MAGI3: variants seen among roughly 807,000 people sequenced by gnomAD.
MAGI3 encodes membrane associated guanylate kinase, WW and PDZ domain containing 3.
MAGI3 carries 43 observed loss-of-function variants against 121.8 expected under a neutral mutation model. That is an observed-to-expected ratio of 0.35 (90% CI 0.28 to 0.46). The LOEUF is 0.46. Ranked by LOEUF, MAGI3 falls within the 20% of genes least tolerant of loss-of-function variation. The probability of loss-of-function intolerance (pLI) is 1.00; values close to 1 mark genes in which losing one functional copy is unlikely to be tolerated. For missense variants in MAGI3, 1,547 were observed against 1,797.3 expected (o/e 0.86, Z 2.52); for synonymous variants, 553 against 639.3 (o/e 0.86, Z 2.04).
At chr1:113,532,983 A>G (rs1480457019) in intron 1 of MAGI3, among the ~76,000 whole-genome samples, 1 of 152,216 alleles carries the variant, frequency 6.6e-6, no homozygotes, top group Non-Finnish European at 1.5e-5. Context: ...CATTTTGACC[A>G]TGAAAAATAA....
At chr1:113,587,495 C>G (rs985915624) in intron 4 of MAGI3, among the ~76,000 whole-genome samples, 1 of 152,176 alleles carries the variant, frequency 6.6e-6, no homozygotes, top group Non-Finnish European at 1.5e-5. Flanking sequence ...CGTGCCCAGC[C>G]TGTGTATCGC....
At chr1:113,541,002 G>T (rs1354893260) in intron 1 of MAGI3, among the ~76,000 whole-genome samples, 2 of 152,124 alleles carry the variant, frequency 1.3e-5, no homozygotes, top group African/African-American at 4.8e-5. Context: ...TGTATAGGCT[G>T]CTTAAGCCAA....
intron 9 of MAGI3, among the ~76,000 whole-genome samples, chr1:113,635,131 G>T (rs994825570): frequency 1.3e-5 from 2 of 152,170 alleles, no homozygotes; most frequent in African/African-American, 4.8e-5. Flanking sequence ...TTTGGGCTGA[G>T]ACAATGGGGT....
chr1:113,552,207 G>A (rs1659815944), intron 2 of MAGI3, among the ~76,000 whole-genome samples: 1 of 151,922 alleles, frequency 6.6e-6, no homozygotes, highest in Non-Finnish European at 1.5e-5. Context: ...TCCTTATGTT[G>A]TTATTTTTCA....
chr1:113,515,291 A>G (rs17031604), intron 1 of MAGI3, among the ~76,000 whole-genome samples: 2,121 of 152,180 alleles, frequency 0.014, 42 homozygotes, highest in African/African-American at 0.047. Flanking sequence ...CATTTGTTGT[A>G]TTGGAATCTG....
intron 1 of MAGI3, among the ~76,000 whole-genome samples, chr1:113,451,202 A>G (rs567886350): frequency 6.6e-6 from 1 of 152,146 alleles, no homozygotes; most frequent in Non-Finnish European, 1.5e-5. Context: ...TCCGTTTGTT[A>G]TCAGGATTAT....
intron 1 of MAGI3, among the ~76,000 whole-genome samples, chr1:113,447,036 A>G (rs1654210075): frequency 6.6e-6 from 1 of 152,186 alleles, no homozygotes; most frequent in Non-Finnish European, 1.5e-5. Context: ...ATGGGTAAAC[A>G]GTTTCATTTT....
rs189438739 is a variant in MAGI3 at position 113,531,229 on chromosome 1, A to G, written c.317-18286A>G. Among the ~76,000 whole-genome samples the G allele has an allele frequency of 1.5e-3, 232 of 152,310 alleles. 2 individuals are homozygous for G. Among genetic ancestry groups the G allele is most frequent in the Admixed American group, 3.0e-3 (46 of 15,294 alleles). On this transcript the variant is annotated intron_variant, in intron 1 of 20. Transcript: ENST00000307546. ...ATCTGCTAATTTAAAGCTTACATAC[A>G]GGTTATTAAAACTTAACAGTCACTG...
At chr1:113,470,324 T>C (rs1398915935) in intron 1 of MAGI3, among the ~76,000 whole-genome samples, 1 of 152,026 alleles carries the variant, frequency 6.6e-6, no homozygotes, top group Non-Finnish European at 1.5e-5. Context: ...CAGAGATGAG[T>C]CTGAATTGCC....
At chr1:113,615,594 G>A (rs1650413169) in intron 7 of MAGI3, among the ~76,000 whole-genome samples, 1 of 152,160 alleles carries the variant, frequency 6.6e-6, no homozygotes, top group African/African-American at 2.4e-5. Flanking sequence ...TGCAACTGTA[G>A]TCTTTATTCT....
chr1:113,477,959 T>C (rs536924933), intron 1 of MAGI3, among the ~76,000 whole-genome samples: 47 of 152,334 alleles, frequency 3.1e-4, no homozygotes, highest in Middle Eastern at 6.8e-3. Flanking sequence ...TTTGTTTTCT[T>C]GCTTTATTTC....
rs768989193 is a variant in MAGI3 at position 113,651,279 on chromosome 1, T to G, written c.2440+73T>G. The G allele has an allele frequency of 2.8e-6, 4 of 1,408,012 alleles. No homozygotes were observed. The African/African-American group carries it at 5.8e-5, about 20-fold the overall frequency. The allele number at this position is 1,408,012 out of a possible 1,614,324, so 87.2% of individuals were successfully genotyped here. On this transcript the variant is annotated intron_variant, in intron 14 of 20. Transcript: ENST00000307546. ...TACTAGTCTACTTCCTGTGTAGTTTTGCAGGTTATTTTATTACATTCAGTA... is the reference window on the plus strand; with the variant it reads ...TACTAGTCTACTTCCTGTGTAGTTTGGCAGGTTATTTTATTACATTCAGTA...
chr1:113,410,948 G>T (rs1016951950), intron 1 of MAGI3, among the ~76,000 whole-genome samples: 1 of 152,022 alleles, frequency 6.6e-6, no homozygotes, highest in African/African-American at 2.4e-5. Context: ...AGTACTATAT[G>T]TAAAAAAGGA....
chr1:113,595,619 A>C (rs1347227119), intron 6 of MAGI3, among the ~76,000 whole-genome samples: 1 of 152,204 alleles, frequency 6.6e-6, no homozygotes, highest in Non-Finnish European at 1.5e-5. Context: ...AGAAAATGGA[A>C]TTGTTTAAAA....
chr1:113,642,510 AGAG>A lies in MAGI3; in HGVS notation c.1965_1966+1del. 1 of 1,607,650 alleles carries A rather than the reference AGAG, an allele frequency of 6.2e-7. No individual in the cohort carries two copies. The highest frequency in any genetic ancestry group is 8.5e-7 in the Non-Finnish European group (1 of 1,175,896). On this transcript the variant is annotated inframe_deletion, in exon 10 of 21. Coordinates refer to ENST00000307546, the MANE Select transcript of MAGI3 (RefSeq NM_001142782.2). Reference sequence around the variant, plus strand: ...TGCTGATGTACCATTGCTTATCTTAAGAGGAGGTAAGTAAAAGCACAACATAGA... The same window carrying A: ...TGCTGATGTACCATTGCTTATCTTAAGAGGTAAGTAAAAGCACAACATAGA...
At chr1:113,643,881 A>G in intron 11 of MAGI3, 107 bp downstream of exon 11, 3 of 1,179,402 alleles carry the variant, frequency 2.5e-6, no homozygotes, top group Non-Finnish European at 3.7e-6. Flanking sequence ...GACTGGGAGA[A>G]GTTAGGAGGC....
chr1:113,511,707 G>T (rs1351638224), intron 1 of MAGI3, among the ~76,000 whole-genome samples: 1 of 152,228 alleles, frequency 6.6e-6, no homozygotes, highest in Non-Finnish European at 1.5e-5. Flanking sequence ...ACAATTAAAA[G>T]ATTGGGTCAG....
intron 1 of MAGI3, among the ~76,000 whole-genome samples, chr1:113,461,661 C>T (rs182783553): frequency 5.3e-5 from 8 of 152,106 alleles, no homozygotes; most frequent in Admixed American, 2.0e-4. Flanking sequence ...GACATAGAAC[C>T]GGCAAAGATT....
chr1:113,521,117 C>T (rs1306656581), intron 1 of MAGI3, among the ~76,000 whole-genome samples: 30 of 148,212 alleles, frequency 2.0e-4, no homozygotes, highest in East Asian at 1.6e-3. Flanking sequence ...GACAAAGTCT[C>T]GCTCTATCAC....
Sources: allele counts gnomAD v4.1 joint callset (sites outside exome capture counted in the v4.1 genomes callset), GRCh38; gene constraint gnomAD v4.1.1; transcripts MANE v1.5; gene names NCBI Gene and HGNC (gene_info 2026-07-23, HGNC 2026-07-21).